MYT1L: variants seen among roughly 807,000 people sequenced by gnomAD.
The protein encoded by MYT1L is myelin transcription factor 1 like, also known as myelin transcription factor 1-like protein.
MYT1L carries 12 observed loss-of-function variants against 126.7 expected under a neutral mutation model. The observed-to-expected ratio is 0.09, with a 90% CI of 0.06 to 0.15. The LOEUF (loss-of-function observed/expected upper bound fraction) is 0.15, where lower values mean the gene tolerates loss of function less well. Among genes scored for constraint, MYT1L ranks in the 10% least tolerant of loss-of-function variants. The probability of loss-of-function intolerance (pLI) is 1.00; values close to 1 mark genes in which losing one functional copy is unlikely to be tolerated. For synonymous variants in MYT1L, 541 were observed against 604.2 expected (o/e 0.90, Z 1.53); for missense variants, 979 against 1,585.2 (o/e 0.62, Z 6.49).
intron 18 of MYT1L, among the ~76,000 whole-genome samples, chr2:1,868,465 C>T (rs1458347965): frequency 1.3e-5 from 2 of 152,004 alleles, no homozygotes; most frequent in Non-Finnish European, 2.9e-5. Context: ...GGAAGAAACC[C>T]TTGATAATTG....
chr2:2,248,177 A>T (rs566991046), intron 2 of MYT1L, among the ~76,000 whole-genome samples: 3 of 152,218 alleles, frequency 2.0e-5, no homozygotes, highest in African/African-American at 7.2e-5. Context: ...AATTTAAAAA[A>T]AAAGGAATGA....
In MYT1L at chr2:1,971,787, G is replaced by A. The variant is rs147391226; in HGVS notation, c.152+7378C>T. On this transcript the variant is annotated intron_variant, in intron 8 of 24. Coordinates refer to ENST00000647738, the MANE Select transcript of MYT1L (RefSeq NM_001303052.2). ...AAGAGGAGGCCTGAATTTTGTGTCTGCAAATCCTATGGGTACTCAGGCCTG... is the reference window on the plus strand; with the variant it reads ...AAGAGGAGGCCTGAATTTTGTGTCTACAAATCCTATGGGTACTCAGGCCTG... Among the ~76,000 whole-genome samples, 311 of 152,158 alleles carry A rather than the reference G, an allele frequency of 2.0e-3. 1 individual carries two copies. Among genetic ancestry groups the A allele is most frequent in the African/African-American group, 7.3e-3 (304 of 41,518 alleles).
chr2:2,235,098 T>C (rs1427242472), intron 2 of MYT1L, among the ~76,000 whole-genome samples: 6 of 152,240 alleles, frequency 3.9e-5, no homozygotes, highest in Non-Finnish European at 8.8e-5. Context: ...CTAGATTTGT[T>C]GTGGCAACCA....
chr2:1,849,138 T>C lies in MYT1L; in HGVS notation c.2774+2503A>G, dbSNP rs369178273. On this transcript the variant is annotated intron_variant, in intron 19 of 24. Coordinates refer to ENST00000647738, the MANE Select transcript of MYT1L (RefSeq NM_001303052.2). ...AACCCACATGAGGACTAAATTTACATGATGCCAACTCCCACCAAAAAAAAA... is the reference window on the plus strand; with the variant it reads ...AACCCACATGAGGACTAAATTTACACGATGCCAACTCCCACCAAAAAAAAA... Among the ~76,000 whole-genome samples the C allele has an allele frequency of 3.3e-4, 44 of 134,914 alleles. 1 individual carries two copies. Among genetic ancestry groups the C allele is most frequent in the Middle Eastern group, 3.9e-3 (1 of 256 alleles). 88.5% of individuals were successfully genotyped at this position (134,914 alleles called of 152,430 possible). A position where few individuals can be genotyped will look rare whatever the true frequency, so the allele number is the denominator to read the frequency against.
intron 22 of MYT1L, among the ~76,000 whole-genome samples, chr2:1,804,931 TTCTCTCC>T (rs2035456502): frequency 6.6e-6 from 1 of 152,198 alleles, no homozygotes. Flanking sequence ...TCTTATTTCC[TTCTCTCC>T]TAAACACTGC....
chr2:2,092,529 G>T (rs780271397), intron 3 of MYT1L, among the ~76,000 whole-genome samples: 1 of 152,190 alleles, frequency 6.6e-6, no homozygotes, highest in African/African-American at 2.4e-5. Context: ...ATGAGCAAGT[G>T]CTGTTGGAAA....
intron 1 of MYT1L, among the ~76,000 whole-genome samples, chr2:2,305,160 T>TA (rs1197612570): frequency 6.6e-6 from 1 of 152,192 alleles, no homozygotes; most frequent in Non-Finnish European, 1.5e-5. Context: ...GAGGCACACT[T>TA]ACATCACAAA....
intron 19 of MYT1L, among the ~76,000 whole-genome samples, chr2:1,845,525 G>A (rs530064532): frequency 3.9e-5 from 6 of 152,100 alleles, no homozygotes; most frequent in Non-Finnish European, 8.8e-5. Flanking sequence ...CCTCTTTAGC[G>A]CCTGCCTTCT....
chr2:1,929,136 AC>A lies in MYT1L; in HGVS notation c.506-5874del, dbSNP rs2054611464. Among the ~76,000 whole-genome samples, 10 of 152,140 alleles carry A rather than the reference AC, an allele frequency of 6.6e-5. No homozygotes were observed. The highest frequency in any genetic ancestry group is 4.6e-4 in the Admixed American group (7 of 15,278). ...TCAAAGGCCCCAGGCGCATGCTGAGACACTGCAGTCTCTTTCCTTTCATAAG... is the reference window on the plus strand; with the variant it reads ...TCAAAGGCCCCAGGCGCATGCTGAGAACTGCAGTCTCTTTCCTTTCATAAG... On this transcript the variant is annotated intron_variant, in intron 9 of 24. Transcript: ENST00000647738. This position sits in a 1 kb window ranked among gnomAD's most constrained non-coding sequence, Gnocchi z 4.7.
At chr2:2,181,156 G>T (rs1455084926) in intron 2 of MYT1L, among the ~76,000 whole-genome samples, 2 of 151,742 alleles carry the variant, frequency 1.3e-5, no homozygotes, top group Non-Finnish European at 1.5e-5. Context: ...GCCTGAGTAT[G>T]TACCTGTGTG....
chr2:2,144,565 T>C (rs966565092), intron 3 of MYT1L, among the ~76,000 whole-genome samples: 1 of 152,162 alleles, frequency 6.6e-6, no homozygotes, highest in Non-Finnish European at 1.5e-5. Context: ...TAAAACCTTA[T>C]GGACTAGTGT....
In MYT1L at chr2:1,999,046, G is replaced by C. The variant is rs1192761345; in HGVS notation, c.-157-1699C>G. ...CGATTAGACAGAATGGGTTATAACA[G>C]CACCACCACTTACTACTTCATGATT... On this transcript the variant is annotated intron_variant, in intron 4 of 24. Transcript: ENST00000647738. Among the ~76,000 whole-genome samples, 12 of 152,310 alleles carry C rather than the reference G, an allele frequency of 7.9e-5. No homozygotes were observed. The Middle Eastern group carries it at 0.017, about 216-fold the overall frequency.
intron 1 of MYT1L, among the ~76,000 whole-genome samples, chr2:2,328,765 A>G (rs1296216263): frequency 6.6e-6 from 1 of 152,242 alleles, no homozygotes; most frequent in Non-Finnish European, 1.5e-5. Context: ...CCACAACTAT[A>G]CATATATACA....
chr2:1,840,673 TC>T, intron 20 of MYT1L, 86 bp downstream of exon 20: 1 of 974,082 alleles, frequency 1.0e-6, no homozygotes, highest in Non-Finnish European at 1.6e-6. Flanking sequence ...TGTCTCTTTT[TC>T]TTGTTGACAT....
Position 2,002,265 on chromosome 2 carries a change from C to T in MYT1L, c.-157-4918G>A, listed in dbSNP as rs573822148. On this transcript the variant is annotated intron_variant, in intron 4 of 24. Coordinates refer to ENST00000647738, the MANE Select transcript of MYT1L (RefSeq NM_001303052.2). Reference sequence around the variant, plus strand: ...CCATGAGACTTGGTGTGTGATTGTGCGGTTGGCTCTCTGCTGCTGCCGAAC... The same window carrying T: ...CCATGAGACTTGGTGTGTGATTGTGTGGTTGGCTCTCTGCTGCTGCCGAAC... 2.4e-4 allele frequency among the ~76,000 whole-genome samples: 36 copies of T among 152,262 alleles called. 1 individual carries two copies. Among genetic ancestry groups the T allele is most frequent in the Admixed American group, 9.8e-4 (15 of 15,296 alleles).
intron 2 of MYT1L, among the ~76,000 whole-genome samples, chr2:2,257,289 C>G (rs1199690720): frequency 6.6e-6 from 1 of 152,154 alleles, no homozygotes; most frequent in Non-Finnish European, 1.5e-5. Context: ...TGACTTTGAA[C>G]TTGGGGCTCA....
At chr2:1,874,361 C>T (rs1334034364) in intron 18 of MYT1L, among the ~76,000 whole-genome samples, 1 of 152,150 alleles carries the variant, frequency 6.6e-6, no homozygotes, top group African/African-American at 2.4e-5. Context: ...GGGAAAAGTG[C>T]TGTGTTTTCC....
chr2:1,892,052 G>A lies in MYT1L; in HGVS notation c.2268C>T (p.Asp756=). The change falls in exon 15 of 25, where the codon GAC becomes GAT. Residue 756 remains aspartate (D), a synonymous_variant. Coordinates refer to ENST00000647738, the MANE Select transcript of MYT1L (RefSeq NM_001303052.2). ...GCGCGCGTACCCGCGTGGCGCACAG[G>A]TCCTGCGGCTTGGTGCTCAGGTTCT... ...MPQNLSTKPQ[D]LCATRNPDME... The A allele has an allele frequency of 2.0e-6, 3 of 1,536,748 alleles. No homozygotes were observed. Among genetic ancestry groups the A allele is most frequent in the East Asian group, 2.5e-5 (1 of 40,790 alleles).
At chr2:1,871,290 C>A (rs1407366312) in intron 18 of MYT1L, among the ~76,000 whole-genome samples, 3 of 152,228 alleles carry the variant, frequency 2.0e-5, no homozygotes, top group Non-Finnish European at 4.4e-5. Context: ...TGTCTCCGTG[C>A]GCTGATGGAG....
Sources: gnomAD v4.1 joint callset for allele counts (sites outside exome capture counted in the v4.1 genomes callset) on GRCh38, gnomAD v4.1.1 for gene constraint, Gnocchi (gnomAD v3.1) non-coding constraint, MANE v1.5 for transcripts, NCBI Gene and HGNC (gene_info 2026-07-23, HGNC 2026-07-21) for gene names.